USP5: variants seen among roughly 807,000 people sequenced by gnomAD.
The protein encoded by USP5 is ubiquitin specific peptidase 5.
A neutral mutation model predicts 102.5 loss-of-function variants in USP5; 24 were observed. The observed-to-expected ratio is 0.23, with a 90% CI of 0.17 to 0.33. USP5 has a LOEUF of 0.33. Ranked by LOEUF, USP5 falls within the 10% of genes least tolerant of loss-of-function variation. The probability of loss-of-function intolerance (pLI) is 1.00; values close to 1 mark genes in which losing one functional copy is unlikely to be tolerated. For missense variants in USP5, 753 were observed against 1,122.1 expected, an observed-to-expected ratio of 0.67 and a Z score of 4.70; for synonymous variants, 460 against 434.8, an observed-to-expected ratio of 1.06 and a Z score of -0.72.
In USP5 at chr12:6,861,607, G is replaced by C. The variant is rs1944281154; in HGVS notation, c.1663G>C (p.Val555Leu). 1.3e-6 allele frequency: 2 copies of C among 1,560,472 alleles called. No homozygotes were observed. The highest frequency in any genetic ancestry group is 2.3e-5 in the South Asian group (2 of 87,354). The change falls in exon 13 of 20, where the codon GTA becomes CTA. Residue 555 changes from valine to leucine, a missense_variant. Physicochemically the swap from Val to Leu is conservative, Grantham distance 32. Transcript: ENST00000229268. The surrounding 1 kb of genome is among the most constrained non-coding windows in gnomAD (Gnocchi z 4.9). Reference protein sequence around the residue: ...FWSTALQAKSVAVKTTRFASF... With the variant: ...FWSTALQAKSLAVKTTRFASF... ...GAGCACGGCCCTGCAGGCCAAGTCA[G>C]TAGCTGTCAAGTAAGTCCTCTGGTC...
In USP5 at chr12:6,855,308, A is replaced by T. The variant is rs1944075477; in HGVS notation, c.112-93A>T. The T allele has an allele frequency of 6.5e-7, 1 of 1,533,530 alleles. No individual in the cohort carries two copies. The highest frequency in any genetic ancestry group is 1.2e-5 in the South Asian group (1 of 81,726). The allele number at this position is 1,533,530 out of a possible 1,614,324, so 95.0% of individuals were successfully genotyped here. A position where few individuals can be genotyped will look rare whatever the true frequency, so the allele number is the denominator to read the frequency against. Reference sequence around the variant, plus strand: ...TTAGAGAACAGAACATTTCTTCTGGAACCCAGCAGTTTCTGACTCCAGGTT... The same window carrying T: ...TTAGAGAACAGAACATTTCTTCTGGTACCCAGCAGTTTCTGACTCCAGGTT... On this transcript the variant is annotated intron_variant, in intron 1 of 19. Transcript: ENST00000229268. The surrounding 1 kb of genome is among the most constrained non-coding windows in gnomAD (Gnocchi z 4.6).
chr12:6,862,668 AT>A (rs1944313809), intron 14 of USP5, 110 bp downstream of exon 14: 11 of 951,022 alleles, frequency 1.2e-5, no homozygotes, highest in Non-Finnish European at 1.8e-5. Flanking sequence ...AGGAAAAAAA[AT>A]CACCTTCAAT....
Position 6,861,385 on chromosome 12 carries a change from C to A in USP5, c.1499-58C>A. ...CGGACACAGAGCCAGTAGGGAGAGGCTAAGGAGGCAAAGAAGCAGCACCCT... is the reference window on the plus strand; with the variant it reads ...CGGACACAGAGCCAGTAGGGAGAGGATAAGGAGGCAAAGAAGCAGCACCCT... On this transcript the variant is annotated intron_variant, in intron 12 of 19. Transcript: ENST00000229268. This position sits in a 1 kb window ranked among gnomAD's most constrained non-coding sequence, Gnocchi z 4.9. 6.6e-7 allele frequency: 1 copy of A among 1,513,336 alleles called. No homozygotes were observed. The highest frequency in any genetic ancestry group is 8.9e-7 in the Non-Finnish European group (1 of 1,124,622). The allele number at this position is 1,513,336 out of a possible 1,614,324, so 93.7% of individuals were successfully genotyped here. A position where few individuals can be genotyped will look rare whatever the true frequency, so the allele number is the denominator to read the frequency against.
chr12:6,860,526 C>G lies in USP5; in HGVS notation c.1344+35C>G, dbSNP rs782725700. On this transcript the variant is annotated intron_variant, in intron 11 of 19. Transcript: ENST00000229268. This position sits in a 1 kb window ranked among gnomAD's most constrained non-coding sequence, Gnocchi z 5.5. ...GGCAAGATGGCACACCCCCATCTTC[C>G]TGCAATTTACTCGCTCTCCTTCCTG... 1 of 1,611,274 alleles carries G rather than the reference C, an allele frequency of 6.2e-7. No individual in the cohort carries two copies. The highest frequency in any genetic ancestry group is 8.5e-7 in the Non-Finnish European group (1 of 1,179,514).
rs1332037013 is a variant in USP5 at position 6,861,888 on chromosome 12, A to C, written c.1673+271A>C. 1.3e-5 allele frequency among the ~76,000 whole-genome samples: 2 copies of C among 152,170 alleles called. No individual in the cohort carries two copies. Among genetic ancestry groups the C allele is most frequent in the Non-Finnish European group, 2.9e-5 (2 of 68,028 alleles). ...GTGTAGCCTCTCTTCATTGCCCCTC[A>C]GTCATGGCTGAGCACAGGCACTTAG... is the stretch of plus-strand genomic sequence containing the variant. On this transcript the variant is annotated intron_variant, in intron 13 of 19. Coordinates refer to ENST00000229268, the MANE Select transcript of USP5 (RefSeq NM_001098536.2). This position sits in a 1 kb window ranked among gnomAD's most constrained non-coding sequence, Gnocchi z 4.9.
In USP5 at chr12:6,866,158, C is replaced by A; in HGVS notation, c.*81C>A. 2 of 1,286,680 alleles carry A rather than the reference C, an allele frequency of 1.6e-6. No individual in the cohort carries two copies. Among genetic ancestry groups the A allele is most frequent in the Non-Finnish European group, 2.2e-6 (2 of 894,104 alleles). 79.7% of individuals were successfully genotyped at this position (1,286,680 alleles called of 1,614,324 possible). A position where few individuals can be genotyped will look rare whatever the true frequency, so the allele number is the denominator to read the frequency against. ...AGAGGGGCTGAGGGATGGACTTCAG[C>A]CCCTCTGCTCTGTACCCTTTTTCCT... On this transcript the variant is annotated 3_prime_UTR_variant, in exon 20 of 20. Transcript: ENST00000229268. This position sits in a 1 kb window ranked among gnomAD's most constrained non-coding sequence, Gnocchi z 4.7.
At chr12:6,859,642 CT>C in intron 9 of USP5, 101 bp downstream of exon 9, 11 of 1,214,672 alleles carry the variant, frequency 9.1e-6, no homozygotes, top group East Asian at 2.4e-5. Context: ...AACCCCTGGC[CT>C]TTTTTTGTTT....
Position 6,863,754 on chromosome 12 carries a change from C to G in USP5, c.1955-76C>G. The G allele has an allele frequency of 1.3e-6, 2 of 1,497,660 alleles. No homozygotes were observed. Among genetic ancestry groups the G allele is most frequent in the South Asian group, 1.4e-5 (1 of 73,178 alleles). 92.8% of individuals were successfully genotyped at this position (1,497,660 alleles called of 1,614,324 possible). A position where few individuals can be genotyped will look rare whatever the true frequency, so the allele number is the denominator to read the frequency against. On this transcript the variant is annotated intron_variant, in intron 15 of 19. Coordinates refer to ENST00000229268, the MANE Select transcript of USP5 (RefSeq NM_001098536.2). This position sits in a 1 kb window ranked among gnomAD's most constrained non-coding sequence, Gnocchi z 4.7. ...CATGGAATGGGTGATTGGAAGAGGGCTGGGTCCTGGGGGAGGGAGGAGGAG... is the reference window on the plus strand; with the variant it reads ...CATGGAATGGGTGATTGGAAGAGGGGTGGGTCCTGGGGGAGGGAGGAGGAG...
intron 13 of USP5, among the ~76,000 whole-genome samples, chr12:6,862,101 G>A (rs1555129691): frequency 6.7e-6 from 1 of 148,376 alleles, no homozygotes; most frequent in African/African-American, 2.5e-5. Context: ...TTTTTTCTAT[G>A]TGTGGGTCTT....
rs1267521936 is a variant in USP5, at chr12:6,861,353, T to C, written c.1499-90T>C. ...GGGTGCTTTGGAAGGGTAGAGGAAC[T>C]GAAATACGGACACAGAGCCAGTAGG... On this transcript the variant is annotated intron_variant, in intron 12 of 19. Coordinates refer to ENST00000229268, the MANE Select transcript of USP5 (RefSeq NM_001098536.2). The surrounding 1 kb of genome is among the most constrained non-coding windows in gnomAD (Gnocchi z 4.9). 2.8e-6 allele frequency: 4 copies of C among 1,447,286 alleles called. No individual in the cohort carries two copies. The East Asian group carries it at 9.2e-5, about 33-fold the overall frequency. 89.7% of individuals were successfully genotyped at this position (1,447,286 alleles called of 1,614,324 possible).
At position 6,855,171 on chromosome 12, in the gene USP5, GC is replaced by G. The variant is rs1351572480; in HGVS notation, c.112-225del. Among the ~76,000 whole-genome samples, 4 of 152,186 alleles carry G rather than the reference GC, an allele frequency of 2.6e-5. No homozygotes were observed. The highest frequency in any genetic ancestry group is 5.9e-5 in the Non-Finnish European group (4 of 68,036). ...GGCGACGATGAGCTGGTGTTCCTCA[GC>G]CCCCTGATGTCCTTGTTGGTTGTTA... is the stretch of plus-strand genomic sequence containing the variant. On this transcript the variant is annotated intron_variant, in intron 1 of 19. Coordinates refer to ENST00000229268, the MANE Select transcript of USP5 (RefSeq NM_001098536.2). This position sits in a 1 kb window ranked among gnomAD's most constrained non-coding sequence, Gnocchi z 4.6.
rs1441473020 is a variant in USP5 at position 6,862,387 on chromosome 12, G to A, written c.1674-83G>A. ...CTGGGTTATTGGGACTTCTACCCAT[G>A]AGGGGCTGAACCCCAGGTGGGAGTT... is the stretch of plus-strand genomic sequence containing the variant. On this transcript the variant is annotated intron_variant, in intron 13 of 19. Coordinates refer to ENST00000229268, the MANE Select transcript of USP5 (RefSeq NM_001098536.2). 1.3e-5 allele frequency: 16 copies of A among 1,219,534 alleles called. No individual in the cohort carries two copies. The African/African-American group carries it at 2.2e-4, about 17-fold the overall frequency. 75.5% of individuals were successfully genotyped at this position (1,219,534 alleles called of 1,614,324 possible).
At position 6,863,686 on chromosome 12, in the gene USP5, A is replaced by AT. The variant is rs1234854705; in HGVS notation, c.1955-140dup. On this transcript the variant is annotated intron_variant, in intron 15 of 19. Transcript: ENST00000229268. The surrounding 1 kb of genome is among the most constrained non-coding windows in gnomAD (Gnocchi z 4.7). Reference sequence around the variant, plus strand: ...GGACCCACATTACAATTGTGTGGTCATTTTGGTTTTGGGATAAGGTGCCAA... The same window carrying AT: ...GGACCCACATTACAATTGTGTGGTCATTTTTGGTTTTGGGATAAGGTGCCAA... 1 of 1,192,340 alleles carries AT rather than the reference A, an allele frequency of 8.4e-7. No homozygotes were observed. The highest frequency in any genetic ancestry group is 1.2e-6 in the Non-Finnish European group (1 of 863,886). The allele number at this position is 1,192,340 out of a possible 1,614,324, so 73.9% of individuals were successfully genotyped here. A position where few individuals can be genotyped will look rare whatever the true frequency, so the allele number is the denominator to read the frequency against.
At position 6,860,514 on chromosome 12, in the gene USP5, A is replaced by G; in HGVS notation, c.1344+23A>G. On this transcript the variant is annotated intron_variant, in intron 11 of 19. Coordinates refer to ENST00000229268, the MANE Select transcript of USP5 (RefSeq NM_001098536.2). The surrounding 1 kb of genome is among the most constrained non-coding windows in gnomAD (Gnocchi z 5.5). Reference sequence around the variant, plus strand: ...GAGGTAAGGGCTGGCAAGATGGCACACCCCCATCTTCCTGCAATTTACTCG... The same window carrying G: ...GAGGTAAGGGCTGGCAAGATGGCACGCCCCCATCTTCCTGCAATTTACTCG... 1 of 1,612,244 alleles carries G rather than the reference A, an allele frequency of 6.2e-7. No individual in the cohort carries two copies. The highest frequency in any genetic ancestry group is 1.1e-5 in the South Asian group (1 of 91,054).
rs1198271523 is a variant in USP5, at chr12:6,858,864, A to T, written c.1058+247A>T. 1.1e-5 allele frequency: 4 copies of T among 373,762 alleles called. No individual in the cohort carries two copies. The highest frequency in any genetic ancestry group is 1.0e-4 in the South Asian group (2 of 19,948). The allele number at this position is 373,762 out of a possible 1,614,324, so 23.2% of individuals were successfully genotyped here. Reference sequence around the variant, plus strand: ...CGAGACCCTGTCTTCTCTTAAAAAAAAAAAAGAATAATTCCTGTCACACTC... The same window carrying T: ...CGAGACCCTGTCTTCTCTTAAAAAATAAAAAGAATAATTCCTGTCACACTC... On this transcript the variant is annotated intron_variant, in intron 8 of 19. Transcript: ENST00000229268. The surrounding 1 kb of genome is among the most constrained non-coding windows in gnomAD (Gnocchi z 4.2).
Position 6,856,579 on chromosome 12 carries a change from C to T in USP5, c.585-128C>T, listed in dbSNP as rs1944119624. 1.3e-6 allele frequency: 2 copies of T among 1,540,584 alleles called. No individual in the cohort carries two copies. The highest frequency in any genetic ancestry group is 1.2e-5 in the South Asian group (1 of 81,230). On this transcript the variant is annotated intron_variant, in intron 5 of 19. Transcript: ENST00000229268. This position sits in a 1 kb window ranked among gnomAD's most constrained non-coding sequence, Gnocchi z 5.6. The stretch of plus-strand genomic sequence containing the variant: ...AAGGGAAGCTTGGAAATGAACACGA[C>T]ATGGGGATGGCCAGAGGAGAAGAGA...
At chr12:6,852,622 C>T (rs1555127200) in intron 1 of USP5, among the ~76,000 whole-genome samples, 1 of 152,270 alleles carries the variant, frequency 6.6e-6, no homozygotes. Flanking sequence ...GAAAACCTGG[C>T]AGTCGGCCTT....
Position 6,855,827 on chromosome 12 carries a change from C to G in USP5, c.304+6C>G, listed in dbSNP as rs1555128085. 6.2e-7 allele frequency: 1 copy of G among 1,614,148 alleles called. No homozygotes were observed. Among genetic ancestry groups the G allele is most frequent in the Non-Finnish European group, 8.5e-7 (1 of 1,180,008 alleles). On this transcript the variant is annotated splice_donor_region_variant and intron_variant, in intron 3 of 19. Coordinates refer to ENST00000229268, the MANE Select transcript of USP5 (RefSeq NM_001098536.2). This position sits in a 1 kb window ranked among gnomAD's most constrained non-coding sequence, Gnocchi z 4.6. ...GCCCACGCGGCTGGCTATTGGTGAG[C>G]ACCGCTGCAGTCCTATTCTTCTCCC...
At position 6,863,688 on chromosome 12, in the gene USP5, T is replaced by G; in HGVS notation, c.1955-142T>G. 8.3e-7 allele frequency: 1 copy of G among 1,197,724 alleles called. No individual in the cohort carries two copies. Among genetic ancestry groups the G allele is most frequent in the Non-Finnish European group, 1.2e-6 (1 of 869,404 alleles). The allele number at this position is 1,197,724 out of a possible 1,614,324, so 74.2% of individuals were successfully genotyped here. A position where few individuals can be genotyped will look rare whatever the true frequency, so the allele number is the denominator to read the frequency against. On this transcript the variant is annotated intron_variant, in intron 15 of 19. Transcript: ENST00000229268. The surrounding 1 kb of genome is among the most constrained non-coding windows in gnomAD (Gnocchi z 4.7). ...ACCCACATTACAATTGTGTGGTCAT[T>G]TTGGTTTTGGGATAAGGTGCCAATC...
Sources: allele counts gnomAD v4.1 joint callset (sites outside exome capture counted in the v4.1 genomes callset), GRCh38; gene constraint gnomAD v4.1.1; non-coding constraint Gnocchi (gnomAD v3.1); transcripts MANE v1.5; gene names NCBI Gene and HGNC (gene_info 2026-07-23, HGNC 2026-07-21).